The following FRMD3 variants were observed in gnomAD, a reference collection of about 807,000 sequenced individuals.
The protein encoded by FRMD3 is FERM domain containing 3, also known as FERM domain-containing protein 3.
A neutral mutation model predicts 70.2 loss-of-function variants in FRMD3; 33 were observed. That is an observed-to-expected ratio of 0.47 (90% CI 0.36 to 0.63). The LOEUF (loss-of-function observed/expected upper bound fraction) is 0.63, where lower values mean the gene tolerates loss of function less well. Among genes scored for constraint, FRMD3 ranks in the 20% least tolerant of loss-of-function variants. The pLI is 0.00. For missense variants in FRMD3, 632 were observed against 711.4 expected, an observed-to-expected ratio of 0.89 and a Z score of 1.27; for synonymous variants, 279 against 255.9, an observed-to-expected ratio of 1.09 and a Z score of -0.86.
downstream of FRMD3, among the ~76,000 whole-genome samples, chr9:83,243,501 A>G (rs1213858710): frequency 6.6e-6 from 1 of 152,170 alleles, no homozygotes; most frequent in African/African-American, 2.4e-5. Context: ...GGCAGTGACA[A>G]TGGGTCAGGA....
chr9:83,403,124 G>A (rs890764981), intron 1 of FRMD3, among the ~76,000 whole-genome samples: 27 of 151,670 alleles, frequency 1.8e-4, no homozygotes, highest in Non-Finnish European at 2.1e-4. Context: ...GGCTGGTCTC[G>A]AACTCCTGAC....
At chr9:83,519,875 T>C (rs994285415) in intron 1 of FRMD3, among the ~76,000 whole-genome samples, 1 of 152,074 alleles carries the variant, frequency 6.6e-6, no homozygotes, top group African/African-American at 2.4e-5. Flanking sequence ...CCGTAATTCT[T>C]AGCAAATTAA....
intron 1 of FRMD3, among the ~76,000 whole-genome samples, chr9:83,417,429 A>G (rs1271433972): frequency 6.6e-6 from 1 of 152,180 alleles, no homozygotes; most frequent in African/African-American, 2.4e-5. Flanking sequence ...TGCTATCACA[A>G]CCCTCTAAAT....
intron 1 of FRMD3, among the ~76,000 whole-genome samples, chr9:83,462,833 A>C (rs189104332): frequency 5.9e-4 from 90 of 152,324 alleles, no homozygotes; most frequent in Admixed American, 3.2e-3. Context: ...TGGCACACCT[A>C]TGTTTCAGAA....
chr9:83,465,597 C>T (rs1828105154), intron 1 of FRMD3, among the ~76,000 whole-genome samples: 1 of 152,092 alleles, frequency 6.6e-6, no homozygotes, highest in Non-Finnish European at 1.5e-5. Flanking sequence ...TTTACATTCT[C>T]TATATGCCTG....
intron 1 of FRMD3, among the ~76,000 whole-genome samples, chr9:83,511,746 T>C (rs535480820): frequency 6.6e-6 from 1 of 152,260 alleles, no homozygotes; most frequent in South Asian, 2.1e-4. Flanking sequence ...ACCTAAATAA[T>C]TCACAACTGC....
At chr9:83,436,315 G>C (rs79091939) in intron 1 of FRMD3, among the ~76,000 whole-genome samples, 1,880 of 152,158 alleles carry the variant, frequency 0.012, 47 homozygotes, top group African/African-American at 0.043. Flanking sequence ...ATTAAATAAA[G>C]TCATTGACAC....
intron 2 of FRMD3, among the ~76,000 whole-genome samples, chr9:83,380,500 T>C (rs995018032): frequency 2.6e-5 from 4 of 152,194 alleles, no homozygotes; most frequent in Non-Finnish European, 2.9e-5. Context: ...ACAACTGCAC[T>C]TAGCCCTGAG....
intron 3 of FRMD3, among the ~76,000 whole-genome samples, chr9:83,352,304 C>A (rs891847366): frequency 6.6e-6 from 1 of 152,160 alleles, no homozygotes; most frequent in Non-Finnish European, 1.5e-5. Flanking sequence ...TGACTATCAG[C>A]AATTTATAAA....
chr9:83,391,102 A>G (rs939656756), intron 1 of FRMD3, among the ~76,000 whole-genome samples: 7 of 152,206 alleles, frequency 4.6e-5, no homozygotes, highest in African/African-American at 1.7e-4. Flanking sequence ...GGGGGTTTAT[A>G]AGCACATAGT....
At chr9:83,384,054 C>T (rs1038532076) in intron 2 of FRMD3, among the ~76,000 whole-genome samples, 7 of 152,328 alleles carry the variant, frequency 4.6e-5, no homozygotes, top group South Asian at 2.1e-4. Context: ...CAAGTTATCA[C>T]GATAGTACTG....
At chr9:83,289,271 A>G (rs954035359) in intron 13 of FRMD3, among the ~76,000 whole-genome samples, 2 of 152,222 alleles carry the variant, frequency 1.3e-5, no homozygotes, top group East Asian at 1.9e-4. Context: ...AAGGAAATTC[A>G]TTTGGCATGG....
intron 4 of FRMD3, among the ~76,000 whole-genome samples, chr9:83,346,255 CAAAA>C (rs56163115): frequency 2.3e-4 from 14 of 62,146 alleles, no homozygotes; most frequent in African/African-American, 8.7e-4. Flanking sequence ...GACGCCATCT[CAAAA>C]AAAAAAAAAA....
chr9:83,512,842 C>T (rs1829368802), intron 1 of FRMD3, among the ~76,000 whole-genome samples: 1 of 152,150 alleles, frequency 6.6e-6, no homozygotes, highest in Admixed American at 6.5e-5. Context: ...TAAACAGGGC[C>T]TTTGGGAGGA....
chr9:83,450,806 C>T (rs1436878032), intron 1 of FRMD3, among the ~76,000 whole-genome samples: 3 of 152,172 alleles, frequency 2.0e-5, no homozygotes, highest in Non-Finnish European at 4.4e-5. Flanking sequence ...GCCAGAGTAG[C>T]AGCGGGGACA....
chr9:83,443,169 G>C (rs955326730), intron 1 of FRMD3, among the ~76,000 whole-genome samples: 1 of 152,012 alleles, frequency 6.6e-6, no homozygotes, highest in Non-Finnish European at 1.5e-5. Flanking sequence ...TATACTTTAA[G>C]TTCTATACAT....
chr9:83,342,512 T>G (rs1823795532), intron 5 of FRMD3, among the ~76,000 whole-genome samples: 1 of 152,152 alleles, frequency 6.6e-6, no homozygotes, highest in Non-Finnish European at 1.5e-5. Flanking sequence ...TTATCCATGG[T>G]GAACCATCCA....
At chr9:83,348,953 G>A (rs2375886) in intron 4 of FRMD3, among the ~76,000 whole-genome samples, 41,619 of 152,084 alleles carry the variant, frequency 0.27, 6,578 homozygotes, top group Non-Finnish European at 0.35. Context: ...CTTTTCTGTT[G>A]CATCTATCTG....
chr9:83,314,723 G>C (rs567218248), intron 6 of FRMD3, among the ~76,000 whole-genome samples: 1 of 152,198 alleles, frequency 6.6e-6, no homozygotes, highest in South Asian at 2.1e-4. Context: ...TATGTCTAGG[G>C]AGCATCTTTA....
Sources: gnomAD v4.1 joint callset for allele counts (sites outside exome capture counted in the v4.1 genomes callset) on GRCh38, gnomAD v4.1.1 for gene constraint, MANE v1.5 for transcripts, NCBI Gene and HGNC (gene_info 2026-07-23, HGNC 2026-07-21) for gene names.